The following ADAMTS9 variants were observed in gnomAD, a reference collection of about 807,000 sequenced individuals.
ADAMTS9 encodes A disintegrin and metalloproteinase with thrombospondin motifs 9.
In ADAMTS9, 107 loss-of-function variants were observed where a neutral mutation model predicts 257.1. The ratio of observed to expected loss-of-function variants is 0.42; its 90% CI spans 0.36 to 0.49. The LOEUF (loss-of-function observed/expected upper bound fraction) is 0.49, where lower values mean the gene tolerates loss of function less well. Among genes scored for constraint, ADAMTS9 ranks in the 20% least tolerant of loss-of-function variants. The pLI is 0.03. For synonymous variants in ADAMTS9, 982 were observed against 880.9 expected, an observed-to-expected ratio of 1.11 and a Z score of -2.03; for missense variants, 2,353 against 2,469.1, an observed-to-expected ratio of 0.95 and a Z score of 1.00.
rs201152316 is a variant in ADAMTS9, at chr3:64,541,306, C to T, written c.5387+14G>A. 66 of 1,614,036 alleles carry T rather than the reference C, an allele frequency of 4.1e-5. No individual in the cohort carries two copies. Among genetic ancestry groups the T allele is most frequent in the Middle Eastern group, 1.6e-4 (1 of 6,062 alleles). On this transcript the variant is annotated intron_variant, in intron 35 of 39. Coordinates refer to ENST00000498707, the MANE Select transcript of ADAMTS9 (RefSeq NM_182920.2). ...CTCCAGGCCTCTGAGATCTTCTGAG[C>T]CTGGCTCTCCTACCTGTGCCCATAA...
intron 39 of ADAMTS9, among the ~76,000 whole-genome samples, chr3:64,519,708 T>A (rs1020723307): frequency 6.6e-6 from 1 of 152,062 alleles, no homozygotes; most frequent in Non-Finnish European, 1.5e-5. Context: ...TATGACCATA[T>A]CAATAGATGC....
At chr3:64,661,204 T>C (rs1042003329) in intron 3 of ADAMTS9, among the ~76,000 whole-genome samples, 3 of 152,198 alleles carry the variant, frequency 2.0e-5, no homozygotes, top group Non-Finnish European at 2.9e-5. Flanking sequence ...GTACATAAGA[T>C]GTAACATTAG....
rs554935126 is a variant in ADAMTS9, at chr3:64,617,448, T to G, written c.2814-1278A>C. 2.0e-5 allele frequency among the ~76,000 whole-genome samples: 3 copies of G among 152,272 alleles called. No individual in the cohort carries two copies. The South Asian group carries it at 6.2e-4, about 32-fold the overall frequency. On this transcript the variant is annotated intron_variant, in intron 19 of 39. Transcript: ENST00000498707. ...TCTTGAAGAGTCTATGGAAAGGGCA[T>G]AGCGCAGCCTTAGAAAAGTTCTCAA...
chr3:64,633,776 A>T lies in ADAMTS9; in HGVS notation c.1960T>A (p.Cys654Ser). The T allele has an allele frequency of 6.2e-7, 1 of 1,613,040 alleles. No individual in the cohort carries two copies. Among genetic ancestry groups the T allele is most frequent in the Non-Finnish European group, 8.5e-7 (1 of 1,179,850 alleles). ...AAATGCTTCCCGTCAAAGTGAGCAC[A>T]CTGTTCATCTCGGAAGTCTCGCTTC... is the stretch of plus-strand genomic sequence containing the variant. ...KQKRDFRDEQ[C>S]AHFDGKHFNI... The change falls in exon 13 of 40, where the codon TGT becomes AGT. Residue 654 changes from cysteine (C) to serine (S), a missense_variant. This residue lies in a region of ADAMTS9 where 360 missense variants were observed against 458.1 expected (regional missense o/e 0.79). Coordinates refer to ENST00000498707, the MANE Select transcript of ADAMTS9 (RefSeq NM_182920.2).
chr3:64,629,049 T>C (rs1235206717), intron 16 of ADAMTS9, among the ~76,000 whole-genome samples: 1 of 152,222 alleles, frequency 6.6e-6, no homozygotes, highest in Non-Finnish European at 1.5e-5. Context: ...AACTCCTTTG[T>C]ACCTTTAACT....
At chr3:64,584,013 C>A (rs1040495776) in intron 28 of ADAMTS9, 1 of 151,958 alleles carries the variant, frequency 6.6e-6, no homozygotes, top group Non-Finnish European at 1.5e-5. Context: ...CTGCGGGGGG[C>A]TCGGATATGT....
rs368761585 is a variant in ADAMTS9 at position 64,544,175 on chromosome 3, C to A, written c.5065-2205G>T. Among the ~76,000 whole-genome samples the A allele has an allele frequency of 4.2e-3, 631 of 151,072 alleles. 6 individuals carry two copies. Among genetic ancestry groups the A allele is most frequent in the African/African-American group, 0.014 (570 of 40,970 alleles). On this transcript the variant is annotated intron_variant, in intron 32 of 39. Coordinates refer to ENST00000498707, the MANE Select transcript of ADAMTS9 (RefSeq NM_182920.2). Reference sequence around the variant, plus strand: ...GGATAGGAAGAATCAATATCATGAACATGGCCATACTGCCCAAGGTAATTT... The same window carrying A: ...GGATAGGAAGAATCAATATCATGAAAATGGCCATACTGCCCAAGGTAATTT...
chr3:64,610,825 C>A (rs1485641184), intron 22 of ADAMTS9, among the ~76,000 whole-genome samples: 3 of 151,764 alleles, frequency 2.0e-5, no homozygotes, highest in Admixed American at 2.0e-4. Flanking sequence ...GCCTGTAATC[C>A]CAGCATTTTG....
chr3:64,586,118 C>T (rs548301877), intron 28 of ADAMTS9, among the ~76,000 whole-genome samples: 1 of 152,214 alleles, frequency 6.6e-6, no homozygotes, highest in South Asian at 2.1e-4. Context: ...CACTTCCCAG[C>T]AGTGAGACCT....
intron 12 of ADAMTS9, among the ~76,000 whole-genome samples, chr3:64,636,024 T>C (rs1479413987): frequency 6.6e-6 from 1 of 152,192 alleles, no homozygotes; most frequent in Admixed American, 6.5e-5. Context: ...GATCAATCAT[T>C]TATTTATTGC....
At chr3:64,659,473 C>CAAAAAA (rs60660621) in intron 3 of ADAMTS9, among the ~76,000 whole-genome samples, 6 of 90,650 alleles carry the variant, frequency 6.6e-5, no homozygotes, top group Admixed American at 2.4e-4. Flanking sequence ...CTGTCTCAAA[C>CAAAAAA]AAAAAAAAAA....
chr3:64,546,748 T>G lies in ADAMTS9; in HGVS notation c.5064+10A>C. ...GGCTTTCAGATTTGAGTGCTCAGTC[T>G]TCTACTTACGCTCCCCCAGTTGCCA... On this transcript the variant is annotated intron_variant, in intron 32 of 39. Coordinates refer to ENST00000498707, the MANE Select transcript of ADAMTS9 (RefSeq NM_182920.2). The G allele has an allele frequency of 6.3e-7, 1 of 1,588,130 alleles. No homozygotes were observed. The highest frequency in any genetic ancestry group is 8.6e-7 in the Non-Finnish European group (1 of 1,168,572).
intron 12 of ADAMTS9, among the ~76,000 whole-genome samples, chr3:64,638,337 A>G (rs550519536): frequency 6.6e-6 from 1 of 152,196 alleles, no homozygotes; most frequent in Non-Finnish European, 1.5e-5. Context: ...CAAAAGCCTG[A>G]AAATACATCT....
intron 30 of ADAMTS9, among the ~76,000 whole-genome samples, chr3:64,557,069 G>A (rs2083347810): frequency 6.6e-6 from 1 of 152,162 alleles, no homozygotes; most frequent in African/African-American, 2.4e-5. Context: ...CTGAGTGGAG[G>A]AGCATCTGAC....
At chr3:64,545,902 C>A (rs78247375) in intron 32 of ADAMTS9, among the ~76,000 whole-genome samples, 6,309 of 152,186 alleles carry the variant, frequency 0.041, 720 homozygotes, top group Admixed American at 0.25. Flanking sequence ...GGCTGCCTGA[C>A]AACTTTTCAA....
At chr3:64,602,265 G>C (rs1559786540) in intron 25 of ADAMTS9, 52 bp from the exon 26 acceptor site, 12 of 1,584,206 alleles carry the variant, frequency 7.6e-6, no homozygotes, top group Non-Finnish European at 9.5e-6. Context: ...TGGAGGGGTT[G>C]ACAATTCCTG....
chr3:64,538,428 CA>C (rs1414925455), intron 37 of ADAMTS9, among the ~76,000 whole-genome samples: 3 of 150,926 alleles, frequency 2.0e-5, no homozygotes, highest in Non-Finnish European at 4.4e-5. Context: ...AAATTGGTTT[CA>C]TGCTTACTCT....
chr3:64,653,238 C>T (rs553737837), intron 8 of ADAMTS9, among the ~76,000 whole-genome samples: 4 of 152,294 alleles, frequency 2.6e-5, no homozygotes, highest in Non-Finnish European at 5.9e-5. Flanking sequence ...TGGGAATTCT[C>T]TTCAAGGCTT....
At chr3:64,658,003 T>A (rs1291333046) in intron 4 of ADAMTS9, among the ~76,000 whole-genome samples, 1 of 152,140 alleles carries the variant, frequency 6.6e-6, no homozygotes, top group East Asian at 1.9e-4. Context: ...TTTTAGAAGT[T>A]CCACAGGTGA....
Sources: gnomAD v4.1 joint callset for allele counts (sites outside exome capture counted in the v4.1 genomes callset) on GRCh38, gnomAD v4.1.1 for gene constraint, gnomAD v4.1.1 regional missense constraint, MANE v1.5 for transcripts, NCBI Gene and HGNC (gene_info 2026-07-23, HGNC 2026-07-21) for gene names.